The following TAFA1 variants were observed in gnomAD, a reference collection of about 807,000 sequenced individuals.
The protein encoded by TAFA1 is chemokine-like protein TAFA-1.
Under a neutral mutation model 18.5 loss-of-function variants are expected in TAFA1, and 4 were observed. That is an observed-to-expected ratio of 0.22 (90% CI 0.11 to 0.49). The LOEUF (loss-of-function observed/expected upper bound fraction) is 0.49. Ranked by LOEUF, TAFA1 falls within the 20% of genes least tolerant of loss-of-function variation. TAFA1 has a pLI of 0.98. For missense variants in TAFA1, 147 were observed against 169.0 expected, an observed-to-expected ratio of 0.87 and a Z score of 0.72; for synonymous variants, 56 against 55.2, an observed-to-expected ratio of 1.01 and a Z score of -0.06.
At chr3:68,403,624 A>G (rs1210940373) in intron 2 of TAFA1, among the ~76,000 whole-genome samples, 1 of 152,242 alleles carries the variant, frequency 6.6e-6, no homozygotes, top group African/African-American at 2.4e-5. Flanking sequence ...ATTGACATAC[A>G]GCTACACTAA....
At chr3:68,261,414 G>C (rs2067419032) in intron 2 of TAFA1, among the ~76,000 whole-genome samples, 2 of 152,026 alleles carry the variant, frequency 1.3e-5, no homozygotes, top group Admixed American at 1.3e-4. Context: ...CCCATTACTG[G>C]GTATATACCC....
chr3:68,495,398 T>C (rs1331496355), intron 3 of TAFA1, among the ~76,000 whole-genome samples: 1 of 152,216 alleles, frequency 6.6e-6, no homozygotes, highest in Non-Finnish European at 1.5e-5. Context: ...ATTGGAAGTA[T>C]TATATGTTCT....
chr3:68,041,988 A>G (rs1293231765), intron 2 of TAFA1, among the ~76,000 whole-genome samples: 1 of 152,188 alleles, frequency 6.6e-6, no homozygotes, highest in Non-Finnish European at 1.5e-5. Context: ...TGCTGTTATC[A>G]TATTGTTCAA....
intron 2 of TAFA1, among the ~76,000 whole-genome samples, chr3:68,168,500 A>G (rs544307350): frequency 1.3e-5 from 2 of 152,372 alleles, no homozygotes; most frequent in South Asian, 4.1e-4. Flanking sequence ...CATAATGTAG[A>G]CCTTGACTGG....
At chr3:68,188,122 T>G (rs2066292359) in intron 2 of TAFA1, among the ~76,000 whole-genome samples, 1 of 151,986 alleles carries the variant, frequency 6.6e-6, no homozygotes, top group South Asian at 2.1e-4. Flanking sequence ...CTTGAGGATG[T>G]TTATTTCCTT....
intron 3 of TAFA1, among the ~76,000 whole-genome samples, chr3:68,530,194 T>C (rs1025512371): frequency 9.9e-5 from 15 of 152,216 alleles, no homozygotes; most frequent in Admixed American, 3.3e-4. Flanking sequence ...GGGACTGCAG[T>C]TCTTAGTCAA....
intron 2 of TAFA1, among the ~76,000 whole-genome samples, chr3:68,239,407 T>C (rs2066969661): frequency 6.6e-6 from 1 of 152,174 alleles, no homozygotes; most frequent in Admixed American, 6.5e-5. Flanking sequence ...CTGTTGAACT[T>C]CCACTTTATG....
At chr3:68,365,131 T>C (rs1402978930) in intron 2 of TAFA1, among the ~76,000 whole-genome samples, 1 of 152,200 alleles carries the variant, frequency 6.6e-6, no homozygotes, top group African/African-American at 2.4e-5. Context: ...GCAAGCAATG[T>C]GATTATCACT....
chr3:68,229,050 C>T (rs1316454452), intron 2 of TAFA1, among the ~76,000 whole-genome samples: 1 of 152,224 alleles, frequency 6.6e-6, no homozygotes, highest in Non-Finnish European at 1.5e-5. Flanking sequence ...CCAAATATGG[C>T]ATCTGGCTCG....
chr3:68,122,008 G>A (rs914419554), intron 2 of TAFA1, among the ~76,000 whole-genome samples: 1 of 152,058 alleles, frequency 6.6e-6, no homozygotes, highest in African/African-American at 2.4e-5. Flanking sequence ...ACTCTGCTAG[G>A]CCCTTCGTTG....
upstream of TAFA1, among the ~76,000 whole-genome samples, chr3:68,000,081 G>T (rs763533436): frequency 3.9e-5 from 6 of 152,138 alleles, no homozygotes; most frequent in Non-Finnish European, 8.8e-5. Flanking sequence ...GAGCCACCGT[G>T]CCTGGTCAAA....
intron 2 of TAFA1, among the ~76,000 whole-genome samples, chr3:68,375,755 A>G (rs975008829): frequency 2.6e-5 from 4 of 152,192 alleles, no homozygotes; most frequent in Admixed American, 2.0e-4. Context: ...TACATACACA[A>G]GTGATTCACA....
chr3:68,068,954 CAG>C (rs2064717944), intron 2 of TAFA1, among the ~76,000 whole-genome samples: 1 of 152,188 alleles, frequency 6.6e-6, no homozygotes, highest in East Asian at 1.9e-4. Context: ...GTCAGTAACA[CAG>C]TTTCCTGTGC....
At chr3:68,347,445 C>G (rs1256319753) in intron 2 of TAFA1, among the ~76,000 whole-genome samples, 1 of 152,170 alleles carries the variant, frequency 6.6e-6, no homozygotes, top group Admixed American at 6.6e-5. Flanking sequence ...AGTGCAGCAC[C>G]ATAACACTTT....
chr3:68,200,098 A>G (rs1342053321), intron 2 of TAFA1, among the ~76,000 whole-genome samples: 2 of 151,612 alleles, frequency 1.3e-5, no homozygotes, highest in African/African-American at 4.8e-5. Flanking sequence ...TCATATGATC[A>G]TATGATTTTT....
At chr3:68,470,087 T>C (rs1054881020) in intron 3 of TAFA1, among the ~76,000 whole-genome samples, 1 of 152,184 alleles carries the variant, frequency 6.6e-6, no homozygotes, top group Non-Finnish European at 1.5e-5. Context: ...GTTTCTCCTA[T>C]ACTGTTCTCA....
chr3:68,274,087 G>A (rs2067737793), intron 2 of TAFA1, among the ~76,000 whole-genome samples: 1 of 152,148 alleles, frequency 6.6e-6, no homozygotes, highest in African/African-American at 2.4e-5. Context: ...AAGAACTGTG[G>A]GAGTTGGCTG....
At chr3:68,176,672 A>G (rs2066130497) in intron 2 of TAFA1, among the ~76,000 whole-genome samples, 1 of 152,298 alleles carries the variant, frequency 6.6e-6, no homozygotes, top group African/African-American at 2.4e-5. Context: ...CCACTTCTCT[A>G]TTCCCACTAA....
chr3:68,224,588 C>G (rs1224489402), intron 2 of TAFA1, among the ~76,000 whole-genome samples: 1 of 151,994 alleles, frequency 6.6e-6, no homozygotes, highest in Non-Finnish European at 1.5e-5. Flanking sequence ...TTTGAGGGAC[C>G]ATACACAGTT....
Sources: allele counts gnomAD v4.1 joint callset (sites outside exome capture counted in the v4.1 genomes callset), GRCh38; gene constraint gnomAD v4.1.1; transcripts MANE v1.5; gene names NCBI Gene and HGNC (gene_info 2026-07-23, HGNC 2026-07-21).